MYT1L: variants seen among roughly 807,000 people sequenced by gnomAD.
MYT1L encodes myelin transcription factor 1 like.
Under a neutral mutation model 126.7 loss-of-function variants are expected in MYT1L, and 12 were observed. That is an observed-to-expected ratio of 0.09 (90% CI 0.06 to 0.15). The LOEUF is 0.15. Ranked by LOEUF, MYT1L falls within the 10% of genes least tolerant of loss-of-function variation. The probability of loss-of-function intolerance (pLI) is 1.00; values close to 1 mark genes in which losing one functional copy is unlikely to be tolerated. For synonymous variants in MYT1L, 541 were observed against 604.2 expected (o/e 0.90, Z 1.53); for missense variants, 979 against 1,585.2 (o/e 0.62, Z 6.49).
chr2:2,260,657 A>ATT lies in MYT1L; in HGVS notation c.-421+23745_-421+23746dup, dbSNP rs112698274. ...CAGAAGCTTACTTTGCTGGTGAATT[A>ATT]TTTTTTTTTTGTTATATTATACTGA... On this transcript the variant is annotated intron_variant, in intron 2 of 24. Transcript: ENST00000647738. Among the ~76,000 whole-genome samples, 1,321 of 149,456 alleles carry ATT rather than the reference A, an allele frequency of 8.8e-3. 24 individuals are homozygous for ATT. The highest frequency in any genetic ancestry group is 0.031 in the African/African-American group (1,258 of 40,858).
chr2:2,039,102 C>T (rs541000703), intron 4 of MYT1L, among the ~76,000 whole-genome samples: 6 of 152,272 alleles, frequency 3.9e-5, no homozygotes, highest in Non-Finnish European at 7.3e-5. Context: ...CAGCAAGCAC[C>T]GGGGGAATGA....
At chr2:2,008,922 C>T (rs928565427) in intron 4 of MYT1L, among the ~76,000 whole-genome samples, 4 of 152,044 alleles carry the variant, frequency 2.6e-5, no homozygotes, top group East Asian at 1.9e-4. Context: ...TTTCCCAGCA[C>T]GGTTTATTGA....
chr2:1,886,896 G>A (rs1472663336), intron 17 of MYT1L, among the ~76,000 whole-genome samples: 1 of 152,072 alleles, frequency 6.6e-6, no homozygotes, highest in Non-Finnish European at 1.5e-5. Flanking sequence ...GAAAATAAAA[G>A]ACATTATACA....
intron 23 of MYT1L, among the ~76,000 whole-genome samples, chr2:1,796,962 A>G (rs983357815): frequency 2.0e-5 from 3 of 152,124 alleles, no homozygotes. Context: ...GATAACAAGC[A>G]ACTTCTGGGT....
chr2:2,070,805 C>T (rs1252514438), intron 3 of MYT1L, among the ~76,000 whole-genome samples: 1 of 152,176 alleles, frequency 6.6e-6, no homozygotes, highest in East Asian at 1.9e-4. Flanking sequence ...TCAATATCGG[C>T]TCCATGTACA....
chr2:1,835,238 T>G (rs190716608), intron 21 of MYT1L, among the ~76,000 whole-genome samples: 2 of 152,366 alleles, frequency 1.3e-5, no homozygotes, highest in African/African-American at 4.8e-5. Flanking sequence ...ATACTTGTAC[T>G]GACTCAATAT....
At chr2:2,055,824 T>C (rs1235748171) in intron 3 of MYT1L, among the ~76,000 whole-genome samples, 1 of 152,246 alleles carries the variant, frequency 6.6e-6, no homozygotes, top group East Asian at 1.9e-4. Context: ...CTGGTAATCC[T>C]AAAAATTCAT....
intron 3 of MYT1L, among the ~76,000 whole-genome samples, chr2:2,129,501 AG>A (rs1466729954): frequency 2.0e-5 from 3 of 152,222 alleles, no homozygotes; most frequent in Non-Finnish European, 2.9e-5. Flanking sequence ...CTAGAGTGGA[AG>A]GCAGCTGTCC....
chr2:2,271,682 T>C (rs2095265964), intron 2 of MYT1L, among the ~76,000 whole-genome samples: 1 of 152,132 alleles, frequency 6.6e-6, no homozygotes, highest in Admixed American at 6.5e-5. Context: ...GCCAGAAAGT[T>C]TGGTTTCTAG....
chr2:2,306,684 G>C (rs774977952), intron 1 of MYT1L, among the ~76,000 whole-genome samples: 5 of 152,132 alleles, frequency 3.3e-5, no homozygotes, highest in Non-Finnish European at 7.4e-5. Context: ...AGGACAGAAG[G>C]TCCCTCAAAT....
chr2:1,922,359 C>T lies in MYT1L; in HGVS notation c.1410G>A (p.Pro470=), dbSNP rs373769933. 1.4e-4 allele frequency: 227 copies of T among 1,613,880 alleles called. 2 individuals carry two copies. The Admixed American group carries it at 1.4e-3, about 10-fold the overall frequency. The change falls in exon 10 of 25, where the codon CCG becomes CCA. Residue 470 remains proline (P), a synonymous_variant. Transcript: ENST00000647738. The surrounding 1 kb of genome is among the most constrained non-coding windows in gnomAD (Gnocchi z 7.4). ...DNMRSYEDQS[P]RQLPGEDRKP... ...TTCTGTCCTCCCCGGGAAGTTGTCTCGGAGACTGGTCCTCATATGACCTCA... is the reference window on the plus strand; with the variant it reads ...TTCTGTCCTCCCCGGGAAGTTGTCTTGGAGACTGGTCCTCATATGACCTCA...
At chr2:1,831,527 CT>C (rs962496773) in intron 21 of MYT1L, among the ~76,000 whole-genome samples, 6 of 152,212 alleles carry the variant, frequency 3.9e-5, no homozygotes, top group Admixed American at 1.3e-4. Context: ...CTACAACCCC[CT>C]GAACTTTCCA....
chr2:1,839,114 A>G, intron 21 of MYT1L, 35 bp downstream of exon 21: 2 of 1,563,720 alleles, frequency 1.3e-6, no homozygotes, highest in Non-Finnish European at 1.7e-6. Context: ...CGGCGGCACC[A>G]TCCCAGCCAG....
chr2:1,871,778 C>T (rs949075686), intron 18 of MYT1L, among the ~76,000 whole-genome samples: 9 of 152,080 alleles, frequency 5.9e-5, no homozygotes, highest in African/African-American at 2.2e-4. Context: ...AATGATAACA[C>T]AACATTCTGA....
chr2:2,192,438 A>G (rs1390887372), intron 2 of MYT1L, among the ~76,000 whole-genome samples: 2 of 146,676 alleles, frequency 1.4e-5, no homozygotes, highest in Non-Finnish European at 3.0e-5. Context: ...TTTTTCATAT[A>G]GGATGATGCT....
chr2:2,172,586 G>A (rs1362161725), intron 3 of MYT1L, among the ~76,000 whole-genome samples: 1 of 152,254 alleles, frequency 6.6e-6, no homozygotes, highest in Non-Finnish European at 1.5e-5. Flanking sequence ...CAGAGGAGGG[G>A]CTGCCTGCAG....
chr2:2,027,039 T>C (rs1057248947), intron 4 of MYT1L, among the ~76,000 whole-genome samples: 28 of 152,152 alleles, frequency 1.8e-4, no homozygotes, highest in Non-Finnish European at 3.4e-4. Context: ...TCGCTCCACC[T>C]GGACCCCTCG....
chr2:2,193,051 C>G (rs941123005), intron 2 of MYT1L, among the ~76,000 whole-genome samples: 1 of 152,156 alleles, frequency 6.6e-6, no homozygotes, highest in Non-Finnish European at 1.5e-5. Context: ...CAACCTCTGC[C>G]TCCTGCCTCA....
At chr2:2,174,034 A>G (rs1451848118) in intron 2 of MYT1L, among the ~76,000 whole-genome samples, 1 of 152,214 alleles carries the variant, frequency 6.6e-6, no homozygotes, top group South Asian at 2.1e-4. Context: ...ATTTCCCCTA[A>G]TAAGAATTTA....
Sources: allele counts gnomAD v4.1 joint callset (sites outside exome capture counted in the v4.1 genomes callset), GRCh38; gene constraint gnomAD v4.1.1; non-coding constraint Gnocchi (gnomAD v3.1); transcripts MANE v1.5; gene names NCBI Gene and HGNC (gene_info 2026-07-23, HGNC 2026-07-21).